LYN: variants seen among roughly 807,000 people sequenced by gnomAD.
The protein encoded by LYN is LYN proto-oncogene, Src family tyrosine kinase.
Under a neutral mutation model 65.0 loss-of-function variants are expected in LYN, and 12 were observed. The ratio of observed to expected loss-of-function variants is 0.18; its 90% CI spans 0.12 to 0.30. The LOEUF is 0.30. LYN is among the 10% of genes least tolerant of loss of function. The probability of loss-of-function intolerance (pLI) is 1.00; values close to 1 mark genes in which losing one functional copy is unlikely to be tolerated. For missense variants in LYN, 380 were observed against 623.2 expected (o/e 0.61, Z 4.16); for synonymous variants, 222 against 221.2 (o/e 1.00, Z -0.03).
At chr8:55,942,431 A>G (rs7461533) in intron 2 of LYN, among the ~76,000 whole-genome samples, 3,078 of 133,168 alleles carry the variant, frequency 0.023, 46 homozygotes, top group African/African-American at 0.044. Flanking sequence ...ATATATATAT[A>G]TGTGTGTGTG....
intron 12 of LYN, among the ~76,000 whole-genome samples, chr8:56,004,135 T>C (rs1808609951): frequency 6.6e-6 from 1 of 151,806 alleles, no homozygotes; most frequent in Non-Finnish European, 1.5e-5. Flanking sequence ...TTTCTCCATG[T>C]TGGTCAGGCT....
chr8:56,003,336 C>T (rs565631869), intron 12 of LYN, among the ~76,000 whole-genome samples: 1 of 152,194 alleles, frequency 6.6e-6, no homozygotes, highest in South Asian at 2.1e-4. Context: ...GCTTGGATTA[C>T]AGGCACGAGC....
At chr8:55,880,452 C>T (rs1290668000) in intron 1 of LYN, among the ~76,000 whole-genome samples, 2 of 152,260 alleles carry the variant, frequency 1.3e-5, no homozygotes, top group African/African-American at 2.4e-5. Context: ...CGGCTGCTGT[C>T]CCTGCTCCGG....
chr8:55,922,579 C>T (rs1340292331), intron 1 of LYN, among the ~76,000 whole-genome samples: 2 of 151,978 alleles, frequency 1.3e-5, no homozygotes, highest in Admixed American at 6.5e-5. Flanking sequence ...ACCAGCCTGG[C>T]CAACATGGTG....
intron 1 of LYN, among the ~76,000 whole-genome samples, chr8:55,887,661 CTG>C (rs1804842310): frequency 6.7e-6 from 1 of 150,110 alleles, no homozygotes; most frequent in Admixed American, 6.7e-5. Context: ...CCAGGCTGGA[CTG>C]TGATGGTGTG....
intron 10 of LYN, among the ~76,000 whole-genome samples, chr8:55,994,885 ACT>A (rs1476372455): frequency 2.0e-5 from 3 of 152,084 alleles, no homozygotes; most frequent in African/African-American, 4.8e-5. Flanking sequence ...CCTGTAACCA[ACT>A]CTGGTCTGTT....
chr8:55,959,813 C>T (rs1426618285), intron 8 of LYN, among the ~76,000 whole-genome samples: 1 of 149,070 alleles, frequency 6.7e-6, no homozygotes, highest in Non-Finnish European at 1.5e-5. Context: ...GAGTATTTGG[C>T]AATAAAAAAA....
chr8:55,967,736 A>G (rs919925531), intron 9 of LYN, among the ~76,000 whole-genome samples: 2 of 152,378 alleles, frequency 1.3e-5, no homozygotes, highest in African/African-American at 2.4e-5. Flanking sequence ...ATGTAATCAT[A>G]GAATTGCTGG....
intron 1 of LYN, among the ~76,000 whole-genome samples, chr8:55,911,102 T>TATATATATGTATATATATAC (rs373111685): frequency 1.0e-4 from 3 of 28,856 alleles, no homozygotes; most frequent in Non-Finnish European, 1.9e-4. Flanking sequence ...TATATATACA[T>TATATATATGTATATATATAC]ACACGTATAT....
intron 12 of LYN, among the ~76,000 whole-genome samples, chr8:56,008,038 G>C (rs1293614737): frequency 1.3e-5 from 2 of 151,460 alleles, no homozygotes; most frequent in Non-Finnish European, 2.9e-5. Flanking sequence ...AGAATCGCTT[G>C]AACCTGGGAG....
rs1808867768 is a variant in LYN, at chr8:56,013,373, T to A, written c.*3263T>A. The A allele has an allele frequency of 6.6e-6, 1 of 151,838 alleles. No homozygotes were observed. The allele number at this position is 151,838 out of a possible 1,614,324, so 9.4% of individuals were successfully genotyped here. A position where few individuals can be genotyped will look rare whatever the true frequency, so the allele number is the denominator to read the frequency against. ...ACCTCCCCCTCTCTGGTTGGAGCGA[T>A]TCTTCTCCTGCCTCAGCCTCCCTAG... On this transcript the variant is annotated 3_prime_UTR_variant, in exon 13 of 13. Coordinates refer to ENST00000519728, the MANE Select transcript of LYN (RefSeq NM_002350.4).
At chr8:55,993,473 T>C (rs1216996635) in intron 10 of LYN, among the ~76,000 whole-genome samples, 1 of 152,252 alleles carries the variant, frequency 6.6e-6, no homozygotes, top group African/African-American at 2.4e-5. Context: ...TGAGCTCTCT[T>C]GTGGGTCTGA....
At chr8:55,969,069 C>G (rs980393195) in intron 9 of LYN, among the ~76,000 whole-genome samples, 4 of 152,072 alleles carry the variant, frequency 2.6e-5, no homozygotes, top group South Asian at 2.1e-4. Context: ...TTGCTTGAGT[C>G]CAGGAATTTG....
intron 8 of LYN, among the ~76,000 whole-genome samples, chr8:55,957,229 A>C (rs1219820185): frequency 6.6e-6 from 1 of 152,178 alleles, no homozygotes; most frequent in Non-Finnish European, 1.5e-5. Flanking sequence ...TGCACCTGGG[A>C]TGTTTCCCAG....
chr8:55,964,091 T>A (rs1002927393), intron 8 of LYN, among the ~76,000 whole-genome samples: 8 of 152,336 alleles, frequency 5.3e-5, no homozygotes, highest in Non-Finnish European at 1.0e-4. Flanking sequence ...CAATTTAATA[T>A]ATTCATAATT....
At chr8:55,947,767 C>A in intron 4 of LYN, 44 bp downstream of exon 4, 1 of 1,298,560 alleles carries the variant, frequency 7.7e-7, no homozygotes, top group Non-Finnish European at 1.1e-6. Flanking sequence ...TTCCTCAGGC[C>A]ACTGAGTCCT....
Position 55,974,665 on chromosome 8 carries a change from C to T in LYN, c.1050+4872C>T, listed in dbSNP as rs190696306. Among the ~76,000 whole-genome samples, 38 of 152,270 alleles carry T rather than the reference C, an allele frequency of 2.5e-4. 1 individual carries two copies. The highest frequency in any genetic ancestry group is 8.7e-4 in the African/African-American group (36 of 41,550). On this transcript the variant is annotated intron_variant, in intron 10 of 12. Transcript: ENST00000519728. ...CTTGGGAAGTTTCTAGAATATTTGC[C>T]AATATCATCCAAAGTGGGTCTCTTC...
Position 55,969,877 on chromosome 8 carries a change from G to A in LYN, c.1050+84G>A, listed in dbSNP as rs865851356. On this transcript the variant is annotated intron_variant, in intron 10 of 12. Coordinates refer to ENST00000519728, the MANE Select transcript of LYN (RefSeq NM_002350.4). ...ATTCATGAAGGAGTTATTGTTCCAG[G>A]GAGAAGGAATTTCTGTTGAATGTTT... is the stretch of plus-strand genomic sequence containing the variant. 6.4e-5 allele frequency: 75 copies of A among 1,174,312 alleles called. 1 individual carries two copies. The South Asian group carries it at 8.0e-4, about 13-fold the overall frequency. The allele number at this position is 1,174,312 out of a possible 1,614,324, so 72.7% of individuals were successfully genotyped here. A position where few individuals can be genotyped will look rare whatever the true frequency, so the allele number is the denominator to read the frequency against.
chr8:55,982,618 G>A lies in LYN; in HGVS notation c.1050+12825G>A, dbSNP rs558028847. On this transcript the variant is annotated intron_variant, in intron 10 of 12. Coordinates refer to ENST00000519728, the MANE Select transcript of LYN (RefSeq NM_002350.4). ...TCACTGCTGTGGTCCTCGGATCCCC[G>A]AACACTCCTCCTTGCTGTGGTCAGC... Among the ~76,000 whole-genome samples the A allele has an allele frequency of 9.3e-4, 141 of 152,132 alleles. 2 individuals carry two copies. The highest frequency in any genetic ancestry group is 1.3e-3 in the Non-Finnish European group (87 of 67,980).
Sources: gnomAD v4.1 joint callset for allele counts (sites outside exome capture counted in the v4.1 genomes callset) on GRCh38, gnomAD v4.1.1 for gene constraint, MANE v1.5 for transcripts, NCBI Gene and HGNC (gene_info 2026-07-23, HGNC 2026-07-21) for gene names.